The following ZNF804B variants were observed in gnomAD, a reference collection of about 807,000 sequenced individuals.
ZNF804B encodes the protein zinc finger 804B.
ZNF804B carries 80 observed loss-of-function variants against 101.4 expected under a neutral mutation model. That is an observed-to-expected ratio of 0.79 (90% CI 0.66 to 0.95). The LOEUF is 0.95. Among genes scored for constraint, ZNF804B ranks in the 40% least tolerant of loss-of-function variants. The pLI is 0.00. For missense variants in ZNF804B, 1,673 were observed against 1,561.9 expected, an observed-to-expected ratio of 1.07 and a Z score of -1.20; for synonymous variants, 622 against 558.8, an observed-to-expected ratio of 1.11 and a Z score of -1.59.
chr7:88,853,207 G>A (rs1232967293), intron 1 of ZNF804B, among the ~76,000 whole-genome samples: 9 of 152,252 alleles, frequency 5.9e-5, no homozygotes, highest in Non-Finnish European at 1.5e-5. Context: ...TAAAAAGTCA[G>A]TCTTTCATCA....
In ZNF804B at chr7:88,854,418, T is replaced by TCTTTCTTTCTTCCTTC. The variant is rs1554340159; in HGVS notation, c.108+94345_108+94346insCCTTCCTTTCTTTCTT. Among the ~76,000 whole-genome samples the TCTTTCTTTCTTCCTTC allele has an allele frequency of 4.4e-3, 371 of 85,146 alleles. 8 individuals carry two copies. The highest frequency in any genetic ancestry group is 0.02 in the South Asian group (47 of 2,348). 55.9% of individuals were successfully genotyped at this position (85,146 alleles called of 152,430 possible). A position where few individuals can be genotyped will look rare whatever the true frequency, so the allele number is the denominator to read the frequency against. On this transcript the variant is annotated intron_variant, in intron 1 of 3. Coordinates refer to ENST00000333190, the MANE Select transcript of ZNF804B (RefSeq NM_181646.5). ...TTCTTTCTTTCTTTCTTTCTTCCTTTCTTTCTTTCTTTCTTTCTTTCTTTC... is the reference window on the plus strand; with the variant it reads ...TTCTTTCTTTCTTTCTTTCTTCCTTTCTTTCTTTCTTCCTTCCTTTCTTTCTTTCTTTCTTTCTTTC...
At chr7:88,841,373 T>C (rs1484218475) in intron 1 of ZNF804B, among the ~76,000 whole-genome samples, 2 of 152,152 alleles carry the variant, frequency 1.3e-5, no homozygotes, top group African/African-American at 4.8e-5. Flanking sequence ...CAATGGGCAA[T>C]CAATCTATTA....
chr7:89,298,216 G>GTATATATATA lies in ZNF804B; in HGVS notation c.250-29095_250-29086dup, dbSNP rs1171165341. On this transcript the variant is annotated intron_variant, in intron 2 of 3. Transcript: ENST00000333190. ...ATATCTATATAGTGTGTGTGTGTGT[G>GTATATATATA]TATATATATATATATATATATATAT... 8.9e-3 allele frequency among the ~76,000 whole-genome samples: 246 copies of GTATATATATA among 27,504 alleles called. 9 individuals are homozygous for GTATATATATA. Among genetic ancestry groups the GTATATATATA allele is most frequent in the Non-Finnish European group, 0.011 (185 of 16,642 alleles). 18.0% of individuals were successfully genotyped at this position (27,504 alleles called of 152,430 possible).
At chr7:89,048,130 T>C (rs781522450) in intron 1 of ZNF804B, among the ~76,000 whole-genome samples, 1 of 151,828 alleles carries the variant, frequency 6.6e-6, no homozygotes, top group African/African-American at 2.4e-5. Context: ...CCAAAGTCCA[T>C]TGTGTCATTC....
At chr7:89,218,059 A>C in intron 1 of ZNF804B, 96 bp from the exon 2 acceptor site, 1 of 1,260,370 alleles carries the variant, frequency 7.9e-7, no homozygotes, top group South Asian at 1.5e-5. Flanking sequence ...GTGCTCCGTC[A>C]TATTTCTTTA....
At chr7:89,199,899 A>C (rs560358763) in intron 1 of ZNF804B, among the ~76,000 whole-genome samples, 1 of 148,356 alleles carries the variant, frequency 6.7e-6, no homozygotes, top group East Asian at 1.9e-4. Flanking sequence ...TATATGTATA[A>C]TATATAGGTA....
intron 1 of ZNF804B, among the ~76,000 whole-genome samples, chr7:88,991,880 C>T (rs2214630): frequency 0.037 from 5,708 of 152,214 alleles, 374 homozygotes; most frequent in African/African-American, 0.13. Flanking sequence ...TGGCCTGAAA[C>T]ATAGAGCTGA....
chr7:88,784,708 C>T (rs1214418416), intron 1 of ZNF804B, among the ~76,000 whole-genome samples: 1 of 152,168 alleles, frequency 6.6e-6, no homozygotes, highest in Admixed American at 6.6e-5. Flanking sequence ...CTGCTTCTGC[C>T]TCTGCCACTT....
chr7:88,841,071 C>T (rs1484592973), intron 1 of ZNF804B, among the ~76,000 whole-genome samples: 2 of 152,154 alleles, frequency 1.3e-5, no homozygotes, highest in African/African-American at 4.8e-5. Flanking sequence ...TAACTTCACA[C>T]TTAGATAGGA....
chr7:88,938,943 T>A lies in ZNF804B; in HGVS notation c.108+178859T>A, dbSNP rs1003474109. ...GTTTCTAGAAAAAAATAGACAAAAA[T>A]TTTGATTAACCTAAGGAATTCTTGT... On this transcript the variant is annotated intron_variant, in intron 1 of 3. Transcript: ENST00000333190. Among the ~76,000 whole-genome samples the A allele has an allele frequency of 1.4e-4, 22 of 152,034 alleles. 1 individual carries two copies. The highest frequency in any genetic ancestry group is 4.6e-4 in the Admixed American group (7 of 15,242).
intron 2 of ZNF804B, among the ~76,000 whole-genome samples, chr7:89,294,807 T>C (rs7786124): frequency 0.019 from 2,893 of 152,190 alleles, 78 homozygotes; most frequent in African/African-American, 0.066. Flanking sequence ...TTCCTAGTTT[T>C]ACTCTTTAGC....
intron 2 of ZNF804B, among the ~76,000 whole-genome samples, chr7:89,241,742 T>C (rs1789374504): frequency 6.6e-6 from 1 of 151,996 alleles, no homozygotes; most frequent in Non-Finnish European, 1.5e-5. Context: ...AGTTCACACA[T>C]TTTTCTTTTA....
At chr7:89,162,971 A>G (rs866376040) in intron 1 of ZNF804B, among the ~76,000 whole-genome samples, 5 of 150,090 alleles carry the variant, frequency 3.3e-5, no homozygotes, top group African/African-American at 9.8e-5. Flanking sequence ...ATGATTTCCA[A>G]TTTCATCCAT....
chr7:88,924,206 C>A (rs1792762585), intron 1 of ZNF804B, among the ~76,000 whole-genome samples: 1 of 151,978 alleles, frequency 6.6e-6, no homozygotes, highest in Admixed American at 6.6e-5. Flanking sequence ...TATGTTCTTG[C>A]CATTCTAAAT....
At position 89,114,839 on chromosome 7, in the gene ZNF804B, C is replaced by T. The variant is rs551399497; in HGVS notation, c.109-103316C>T. Among the ~76,000 whole-genome samples, 37 of 152,224 alleles carry T rather than the reference C, an allele frequency of 2.4e-4. No homozygotes were observed. In the South Asian group the frequency reaches 4.8e-3, roughly 20 times the overall value. On this transcript the variant is annotated intron_variant, in intron 1 of 3. Transcript: ENST00000333190. ...AAATTCATGAAGGTGTTGGGAACTT[C>T]GAGAGGGTCTGAGCACTGATGGTAG... is the stretch of plus-strand genomic sequence containing the variant.
At chr7:89,206,753 A>G (rs926315892) in intron 1 of ZNF804B, among the ~76,000 whole-genome samples, 4 of 152,166 alleles carry the variant, frequency 2.6e-5, no homozygotes, top group African/African-American at 9.7e-5. Flanking sequence ...ACTCCATCTC[A>G]AAAAACAAAA....
chr7:88,957,758 T>G (rs1014914677), intron 1 of ZNF804B, among the ~76,000 whole-genome samples: 2 of 151,456 alleles, frequency 1.3e-5, no homozygotes, highest in Admixed American at 1.3e-4. Flanking sequence ...TTTTATTGAT[T>G]TATTTAATTG....
intron 1 of ZNF804B, among the ~76,000 whole-genome samples, chr7:89,138,481 AG>A (rs1354856676): frequency 3.9e-5 from 6 of 152,112 alleles, no homozygotes; most frequent in African/African-American, 1.4e-4. Flanking sequence ...TTTGTACTGT[AG>A]ACTTTTGAGT....
At chr7:88,964,571 G>T (rs2116097204) in intron 1 of ZNF804B, among the ~76,000 whole-genome samples, 1 of 151,416 alleles carries the variant, frequency 6.6e-6, no homozygotes, top group Admixed American at 6.6e-5. Flanking sequence ...GTTTCAATTG[G>T]GAATGCTGAA....
Sources: allele counts gnomAD v4.1 joint callset (sites outside exome capture counted in the v4.1 genomes callset), GRCh38; gene constraint gnomAD v4.1.1; transcripts MANE v1.5; gene names NCBI Gene and HGNC (gene_info 2026-07-23, HGNC 2026-07-21).